The following ASH1L variants were observed in gnomAD, a reference collection of about 807,000 sequenced individuals.
ASH1L encodes the protein histone-lysine N-methyltransferase ASH1L.
In ASH1L, 23 loss-of-function variants were observed where a neutral mutation model predicts 269.0. The observed-to-expected ratio is 0.09, with a 90% CI of 0.06 to 0.12. ASH1L has a LOEUF of 0.12. ASH1L is among the 10% of genes least tolerant of loss of function. ASH1L has a pLI of 1.00. For missense variants in ASH1L, 2,912 were observed against 3,567.8 expected (o/e 0.82, Z 4.68); for synonymous variants, 1,187 against 1,253.5 (o/e 0.95, Z 1.12).
chr1:155,530,337 C>T (rs892874523), intron 1 of ASH1L, among the ~76,000 whole-genome samples: 1 of 152,152 alleles, frequency 6.6e-6, no homozygotes, highest in Admixed American at 6.5e-5. Flanking sequence ...TATCCCAGCA[C>T]GTAGAACACT....
intron 2 of ASH1L, among the ~76,000 whole-genome samples, chr1:155,512,492 C>G (rs1402284171): frequency 2.4e-5 from 3 of 126,768 alleles, no homozygotes; most frequent in Non-Finnish European, 4.8e-5. Context: ...CACTCTGTGA[C>G]TCAGGCAGGG....
At chr1:155,422,815 AT>A (rs1226151786) in intron 5 of ASH1L, among the ~76,000 whole-genome samples, 2 of 150,924 alleles carry the variant, frequency 1.3e-5, no homozygotes, top group Admixed American at 6.6e-5. Flanking sequence ...ACGCCTGGCT[AT>A]TTTTTTGTGT....
intron 2 of ASH1L, among the ~76,000 whole-genome samples, chr1:155,484,228 C>T (rs1175854520): frequency 6.6e-6 from 1 of 152,194 alleles, no homozygotes; most frequent in Non-Finnish European, 1.5e-5. Flanking sequence ...GTGGCTCACG[C>T]CTGTAATCCC....
At chr1:155,433,375 G>C in intron 5 of ASH1L, 1 of 1,599,390 alleles carries the variant, frequency 6.3e-7, no homozygotes, top group Middle Eastern at 1.7e-4. Context: ...CATGCCCCCC[G>C]CTGTATGAGT....
chr1:155,452,209 T>C (rs1441679221), intron 4 of ASH1L, among the ~76,000 whole-genome samples: 1 of 151,578 alleles, frequency 6.6e-6, no homozygotes, highest in Non-Finnish European at 1.5e-5. Context: ...TGGCTAGTTT[T>C]TGTATTTTTA....
At chr1:155,339,571 G>A (rs1652598577) in intron 25 of ASH1L, among the ~76,000 whole-genome samples, 1 of 152,202 alleles carries the variant, frequency 6.6e-6, no homozygotes, top group South Asian at 2.1e-4. Context: ...GACAATGGGA[G>A]GGATAAGTGC....
At chr1:155,540,848 T>C (rs1394185189) in intron 1 of ASH1L, among the ~76,000 whole-genome samples, 1 of 152,166 alleles carries the variant, frequency 6.6e-6, no homozygotes, top group Non-Finnish European at 1.5e-5. Context: ...ACTTTTCAGT[T>C]CCCAAATAAC....
intron 12 of ASH1L, among the ~76,000 whole-genome samples, chr1:155,366,989 G>GTTT (rs896488958): frequency 5.2e-4 from 65 of 124,154 alleles, no homozygotes; most frequent in African/African-American, 7.5e-4. Flanking sequence ...AATGGGTTTG[G>GTTT]TTTTTTTTTT....
chr1:155,390,514 C>G (rs1309853452), intron 7 of ASH1L, among the ~76,000 whole-genome samples: 2 of 151,766 alleles, frequency 1.3e-5, no homozygotes, highest in African/African-American at 2.4e-5. Flanking sequence ...TTGACAAAGA[C>G]TTTAAAAGAA....
At chr1:155,367,538 A>G (rs746858033) in intron 12 of ASH1L, among the ~76,000 whole-genome samples, 29 of 152,240 alleles carry the variant, frequency 1.9e-4, no homozygotes, top group Non-Finnish European at 3.2e-4. Flanking sequence ...TCAAATGTAG[A>G]TATGACAGTG....
At chr1:155,389,169 C>A (rs965653272) in intron 7 of ASH1L, among the ~76,000 whole-genome samples, 1 of 151,152 alleles carries the variant, frequency 6.6e-6, no homozygotes, top group East Asian at 2.0e-4. Context: ...TCACTCCTGG[C>A]TAATTTTTTT....
intron 4 of ASH1L, among the ~76,000 whole-genome samples, chr1:155,441,649 G>C (rs1481263069): frequency 6.6e-6 from 1 of 150,590 alleles, no homozygotes; most frequent in African/African-American, 2.4e-5. Flanking sequence ...GTATTTTTTA[G>C]TAGAGACGGG....
chr1:155,380,487 G>T (rs1333452999), intron 7 of ASH1L, among the ~76,000 whole-genome samples: 1 of 152,014 alleles, frequency 6.6e-6, no homozygotes, highest in African/African-American at 2.4e-5. Context: ...ACAAAAAGGA[G>T]AAATTCTTGT....
At chr1:155,427,695 T>C (rs956401647) in intron 5 of ASH1L, among the ~76,000 whole-genome samples, 3 of 152,124 alleles carry the variant, frequency 2.0e-5, no homozygotes, top group Non-Finnish European at 2.9e-5. Context: ...CACCTCGGCC[T>C]CCCAAATTGC....
At chr1:155,460,646 C>T (rs974828815) in intron 3 of ASH1L, among the ~76,000 whole-genome samples, 1 of 151,980 alleles carries the variant, frequency 6.6e-6, no homozygotes, top group Non-Finnish European at 1.5e-5. Context: ...TAAACCCACA[C>T]ATCCTATCCA....
chr1:155,517,384 T>C (rs190694141), intron 2 of ASH1L, among the ~76,000 whole-genome samples: 61 of 152,134 alleles, frequency 4.0e-4, no homozygotes, highest in Non-Finnish European at 7.5e-4. Flanking sequence ...ATCCCAGCAT[T>C]ATGGGAGGCC....
rs1372752498 is a variant in ASH1L at position 155,439,890 on chromosome 1, A to T, written c.5087-822T>A. Among the ~76,000 whole-genome samples, 2 of 150,878 alleles carry T rather than the reference A, an allele frequency of 1.3e-5. 1 individual carries two copies. Among genetic ancestry groups the T allele is most frequent in the Admixed American group, 1.3e-4 (2 of 14,972 alleles). ...AGATTCCAATATCATCAGACTGTGG[A>T]ATTTTTCTCAAATTACCAATAACTT... On this transcript the variant is annotated intron_variant, in intron 4 of 27. Coordinates refer to ENST00000392403, the MANE Select transcript of ASH1L (RefSeq NM_018489.3).
intron 7 of ASH1L, among the ~76,000 whole-genome samples, chr1:155,385,391 C>T (rs1389387952): frequency 6.6e-6 from 1 of 152,148 alleles, no homozygotes; most frequent in Admixed American, 6.6e-5. Flanking sequence ...CTACGGTGGG[C>T]AGAGATTGTG....
intron 15 of ASH1L, among the ~76,000 whole-genome samples, chr1:155,356,719 T>C (rs1326086611): frequency 6.6e-6 from 1 of 151,208 alleles, no homozygotes; most frequent in Non-Finnish European, 1.5e-5. Flanking sequence ...TGGGCTCAAG[T>C]AATTTTCCTG....
Sources: allele counts gnomAD v4.1 joint callset (sites outside exome capture counted in the v4.1 genomes callset), GRCh38; gene constraint gnomAD v4.1.1; transcripts MANE v1.5; gene names NCBI Gene and HGNC (gene_info 2026-07-23, HGNC 2026-07-21).